The following GPC5 variants were observed in gnomAD, a reference collection of about 807,000 sequenced individuals.
The protein encoded by GPC5 is glypican 5, also known as glypican-5.
In GPC5, 47 loss-of-function variants were observed where a neutral mutation model predicts 53.9. The observed-to-expected ratio is 0.87, with a 90% CI of 0.69 to 1.11. GPC5 has a LOEUF of 1.11. Ranked by LOEUF, GPC5 falls within the 50% of genes most tolerant of loss-of-function variation. The pLI, the probability that GPC5 is intolerant of heterozygous loss-of-function variation, is 0.00. For missense variants in GPC5, 748 were observed against 713.1 expected (o/e 1.05, Z -0.56); for synonymous variants, 286 against 263.3 (o/e 1.09, Z -0.84).
chr13:91,420,759 A>G lies in GPC5; in HGVS notation c.163+21550A>G, dbSNP rs191079468. Among the ~76,000 whole-genome samples the G allele has an allele frequency of 1.2e-3, 182 of 152,304 alleles. 1 individual carries two copies. Among genetic ancestry groups the G allele is most frequent in the Non-Finnish European group, 1.4e-3 (93 of 68,022 alleles). On this transcript the variant is annotated intron_variant, in intron 1 of 7. Transcript: ENST00000377067. ...TAGAGATAGTGAGTGAGTTCTCACA[A>G]GAGCTGATGGTTTTATAAGGAGCTC...
intron 1 of GPC5, among the ~76,000 whole-genome samples, chr13:91,399,743 C>A (rs773863490): frequency 6.6e-6 from 1 of 152,132 alleles, no homozygotes; most frequent in Non-Finnish European, 1.5e-5. Context: ...CACCCAGAGA[C>A]GTGACCCTTA....
At chr13:92,703,295 T>TG (rs1322180343) in intron 7 of GPC5, among the ~76,000 whole-genome samples, 4 of 151,442 alleles carry the variant, frequency 2.6e-5, no homozygotes, top group Admixed American at 6.6e-5. Context: ...ATGTGTCCCT[T>TG]GGGGGGCTGG....
At chr13:92,015,901 C>CA (rs994818415) in intron 6 of GPC5, among the ~76,000 whole-genome samples, 1 of 152,154 alleles carries the variant, frequency 6.6e-6, no homozygotes, top group Non-Finnish European at 1.5e-5. Context: ...AATGCTTACA[C>CA]AAAAAATAGC....
chr13:91,412,962 A>G (rs1877918238), intron 1 of GPC5, among the ~76,000 whole-genome samples: 1 of 152,256 alleles, frequency 6.6e-6, no homozygotes, highest in Non-Finnish European at 1.5e-5. Flanking sequence ...TGGACATTAA[A>G]TGAATAAAGG....
At chr13:92,654,723 T>G (rs1382236475) in intron 7 of GPC5, among the ~76,000 whole-genome samples, 1 of 150,538 alleles carries the variant, frequency 6.6e-6, no homozygotes, top group Non-Finnish European at 1.5e-5. Context: ...ATTTTATTTT[T>G]ATACTCAACT....
intron 7 of GPC5, among the ~76,000 whole-genome samples, chr13:92,780,076 A>C (rs1875963120): frequency 6.6e-6 from 1 of 152,060 alleles, no homozygotes; most frequent in South Asian, 2.1e-4. Context: ...TGGTGTGTCT[A>C]CTAAGTGGAC....
intron 5 of GPC5, among the ~76,000 whole-genome samples, chr13:91,870,048 A>C (rs1276851249): frequency 6.6e-6 from 1 of 152,140 alleles, no homozygotes; most frequent in Non-Finnish European, 1.5e-5. Flanking sequence ...GTATAACATG[A>C]CTTTGTGAGA....
chr13:92,522,650 G>C (rs1431730786), intron 7 of GPC5, among the ~76,000 whole-genome samples: 1 of 152,088 alleles, frequency 6.6e-6, no homozygotes, highest in Non-Finnish European at 1.5e-5. Flanking sequence ...GAAAGCATTA[G>C]GAGATACACC....
chr13:92,791,174 C>T (rs72632635), intron 7 of GPC5, among the ~76,000 whole-genome samples: 6,829 of 152,084 alleles, frequency 0.045, 505 homozygotes, highest in East Asian at 0.34. Context: ...TATAATTTCA[C>T]TTGCCTTGAT....
At chr13:92,187,163 C>A (rs2042190239) in intron 7 of GPC5, among the ~76,000 whole-genome samples, 2 of 151,812 alleles carry the variant, frequency 1.3e-5, no homozygotes, top group South Asian at 2.1e-4. Context: ...TGTATGAAAA[C>A]CCTCAATGTA....
intron 6 of GPC5, among the ~76,000 whole-genome samples, chr13:92,018,948 C>T (rs572986989): frequency 2.1e-4 from 32 of 152,034 alleles, no homozygotes; most frequent in African/African-American, 3.4e-4. Flanking sequence ...GGCACACTAA[C>T]GGTTTCATTA....
intron 6 of GPC5, among the ~76,000 whole-genome samples, chr13:92,104,716 T>G (rs2041494294): frequency 6.6e-6 from 1 of 152,166 alleles, no homozygotes; most frequent in African/African-American, 2.4e-5. Context: ...AAGGGGTTAA[T>G]GAGTTACTTA....
At chr13:92,459,440 A>C in intron 7 of GPC5, among the ~76,000 whole-genome samples, 1 of 152,272 alleles carries the variant, frequency 6.6e-6, no homozygotes, top group Admixed American at 6.5e-5. Context: ...ATCAAAGAGT[A>C]ATTTACTGTC....
intron 5 of GPC5, among the ~76,000 whole-genome samples, chr13:91,782,850 T>A (rs1566681553): frequency 6.6e-6 from 1 of 150,572 alleles, no homozygotes; most frequent in Non-Finnish European, 1.5e-5. Flanking sequence ...AAATTAATTC[T>A]GTTTATTTCC....
Position 92,114,918 on chromosome 13 carries a change from C to T in GPC5, c.1402-29912C>T, listed in dbSNP as rs575698378. On this transcript the variant is annotated intron_variant, in intron 6 of 7. Coordinates refer to ENST00000377067, the MANE Select transcript of GPC5 (RefSeq NM_004466.6). ...GTTCTTGAGTTTTAAGATAATGATC[C>T]GAGTTCTGTTTCTGAGAGAAGAGGT... is the stretch of plus-strand genomic sequence containing the variant. 5.3e-5 allele frequency among the ~76,000 whole-genome samples: 8 copies of T among 152,142 alleles called. No individual in the cohort carries two copies. The South Asian group carries it at 8.3e-4, about 16-fold the overall frequency.
chr13:92,336,029 GGGCAATTT>G (rs1019351520), intron 7 of GPC5, among the ~76,000 whole-genome samples: 18 of 152,090 alleles, frequency 1.2e-4, no homozygotes, highest in Admixed American at 9.2e-4. Flanking sequence ...AGCTAGCAGT[GGGCAATTT>G]GGAGTATAGT....
chr13:91,988,392 G>A (rs1382107005), intron 6 of GPC5, among the ~76,000 whole-genome samples: 1 of 152,146 alleles, frequency 6.6e-6, no homozygotes, highest in Non-Finnish European at 1.5e-5. Context: ...AAGTCAGAAA[G>A]CTTCGCAGCA....
At chr13:91,542,798 C>T (rs930930307) in intron 2 of GPC5, among the ~76,000 whole-genome samples, 18 of 151,962 alleles carry the variant, frequency 1.2e-4, no homozygotes, top group Non-Finnish European at 2.2e-4. Context: ...ATTCTCCTGC[C>T]TCAGCCTCCT....
At chr13:92,236,596 T>A (rs771326594) in intron 7 of GPC5, among the ~76,000 whole-genome samples, 6 of 152,148 alleles carry the variant, frequency 3.9e-5, no homozygotes. Context: ...AATATGAATG[T>A]CTAAGGTAAT....
Sources: allele counts gnomAD v4.1 joint callset (sites outside exome capture counted in the v4.1 genomes callset), GRCh38; gene constraint gnomAD v4.1.1; transcripts MANE v1.5; gene names NCBI Gene and HGNC (gene_info 2026-07-23, HGNC 2026-07-21).